CIMAP1B: variants seen among roughly 807,000 people sequenced by gnomAD.
CIMAP1B encodes the protein ciliary microtubule associated protein 1B.
At chr22:50,531,872 G>A in the CIMAP1B span, 4 of 1,325,132 alleles carry the variant, frequency 3.0e-6, no homozygotes, top group African/African-American at 3.1e-5. Flanking sequence ...CCTCTAGCAG[G>A]CACGGTTCAG....
At chr22:50,531,361 G>A in the CIMAP1B span, 1 of 1,336,932 alleles carries the variant, frequency 7.5e-7, no homozygotes, top group Non-Finnish European at 1.0e-6. Context: ...ACCCGAGATG[G>A]GGTCCTGGGA....
At chr22:50,530,914 G>C in the CIMAP1B span, 24 of 1,609,188 alleles carry the variant, frequency 1.5e-5, no homozygotes, top group Admixed American at 3.3e-4. Context: ...GACCCCCTGC[G>C]TCCGCCCCGG....
chr22:50,532,028 C>T, the CIMAP1B span: 1 of 1,347,484 alleles, frequency 7.4e-7, no homozygotes, highest in East Asian at 3.1e-5. Context: ...CGCGATGGGG[C>T]CGCGGGGCCG....
At chr22:50,531,190 C>T in the CIMAP1B span, 1 of 1,612,164 alleles carries the variant, frequency 6.2e-7, no homozygotes, top group Non-Finnish European at 8.5e-7. Context: ...TCTGACCTCA[C>T]CTGGGCTCTG....
the CIMAP1B span, chr22:50,530,563 G>C: frequency 6.3e-7 from 1 of 1,586,216 alleles, no homozygotes; most frequent in African/African-American, 1.3e-5. Flanking sequence ...TTCCGGTGCT[G>C]CGGGCCCGGA....
At chr22:50,531,961 C>T in the CIMAP1B span, 2 of 1,328,702 alleles carry the variant, frequency 1.5e-6, no homozygotes, top group Non-Finnish European at 9.7e-7. Context: ...GGGGCCTGCC[C>T]CTTCTACCGG....
At chr22:50,532,216 G>A in the CIMAP1B span, 7 of 1,148,922 alleles carry the variant, frequency 6.1e-6, no homozygotes, top group African/African-American at 8.0e-5. Context: ...GGCCTGGACC[G>A]TATCCCTGGC....
At chr22:50,530,927 C>T in the CIMAP1B span, 5 of 1,610,384 alleles carry the variant, frequency 3.1e-6, no homozygotes, top group South Asian at 4.4e-5. Context: ...CGCCCCGGCC[C>T]CTCCCCCACC....
At chr22:50,531,648 G>T in the CIMAP1B span, 2 of 1,379,596 alleles carry the variant, frequency 1.4e-6, no homozygotes, top group South Asian at 1.7e-5. Context: ...TCGGTGCCGC[G>T]CACGGTCATG....
chr22:50,530,999 C>T, the CIMAP1B span: 1 of 1,611,100 alleles, frequency 6.2e-7, no homozygotes, highest in Non-Finnish European at 8.5e-7. Context: ...CAAGTTGGGG[C>T]GGAGACTTTG....
chr22:50,532,014 G>A, the CIMAP1B span: 1 of 1,360,406 alleles, frequency 7.4e-7, no homozygotes, highest in Non-Finnish European at 9.5e-7. Flanking sequence ...CCTCCGTAGT[G>A]CGCCGCGATG....
the CIMAP1B span, chr22:50,531,856 C>A: frequency 9.0e-6 from 12 of 1,328,896 alleles, no homozygotes; most frequent in South Asian, 2.4e-4. Context: ...CACAGACCCC[C>A]TCTCCCCTCT....
chr22:50,530,556 C>G, the CIMAP1B span: 1 of 1,589,678 alleles, frequency 6.3e-7, no homozygotes. Context: ...GCGGGGCTTC[C>G]GGTGCTGCGG....
chr22:50,532,042 T>A, the CIMAP1B span: 4 of 1,345,290 alleles, frequency 3.0e-6, no homozygotes, highest in Non-Finnish European at 3.8e-6. Context: ...GGGGCCGGTG[T>A]GGCCGCCAAA....
the CIMAP1B span, chr22:50,531,865 C>T: frequency 7.5e-7 from 1 of 1,327,058 alleles, no homozygotes; most frequent in African/African-American, 1.5e-5. Context: ...CCTCTCCCCT[C>T]TAGCAGGCAC....
At chr22:50,532,074 C>A in the CIMAP1B span, 1 of 1,368,400 alleles carries the variant, frequency 7.3e-7, no homozygotes, top group African/African-American at 1.5e-5. Flanking sequence ...GCGTCCGAGC[C>A]CATAGCGCGG....
the CIMAP1B span, chr22:50,531,929 C>T: frequency 1.1e-5 from 14 of 1,311,738 alleles, no homozygotes; most frequent in Non-Finnish European, 1.3e-5. Context: ...CTCCCCCAGG[C>T]GCCGTCCCAC....
chr22:50,531,618 T>C, the CIMAP1B span: 1 of 1,402,592 alleles, frequency 7.1e-7, no homozygotes. Flanking sequence ...CGGCCGTAGA[T>C]GGAGTAGGCG....
At chr22:50,531,385 T>C in the CIMAP1B span, 19 of 1,181,878 alleles carry the variant, frequency 1.6e-5, no homozygotes, top group Non-Finnish European at 1.8e-5. Context: ...GTGGGGAGTC[T>C]GAGCCACGAT....
Sources: gnomAD v4.1 joint callset for allele counts on GRCh38, gnomAD v4.1.1 for gene constraint, MANE v1.5 for transcripts, NCBI Gene and HGNC (gene_info 2026-07-23, HGNC 2026-07-21) for gene names.